HCRTR2: variants seen among roughly 807,000 people sequenced by gnomAD.
HCRTR2 encodes orexin receptor type 2.
In HCRTR2, 22 loss-of-function variants were observed where a neutral mutation model predicts 49.0. That is an observed-to-expected ratio of 0.45 (90% CI 0.32 to 0.64). The LOEUF is 0.64. Among genes scored for constraint, HCRTR2 ranks in the 30% least tolerant of loss-of-function variants. HCRTR2 has a pLI of 0.04. For missense variants in HCRTR2, 491 were observed against 559.4 expected (o/e 0.88, Z 1.23); for synonymous variants, 236 against 205.3 (o/e 1.15, Z -1.28).
At chr6:55,239,009 T>C (rs1468111190) in intron 1 of HCRTR2, among the ~76,000 whole-genome samples, 1 of 151,988 alleles carries the variant, frequency 6.6e-6, no homozygotes, top group Admixed American at 6.5e-5. Flanking sequence ...GAGAACAGGG[T>C]CAAAATCCAG....
At chr6:55,174,192 C>CTTT, upstream of HCRTR2, 8 of 175,570 alleles carry the variant, frequency 4.6e-5, no homozygotes, top group East Asian at 3.5e-4. Flanking sequence ...GTTTTCATTA[C>CTTT]TTTTTTTTTT....
In HCRTR2 at chr6:55,200,141, C is replaced by T. The variant is rs146316707; in HGVS notation, c.223+25331C>T. 8.1e-4 allele frequency among the ~76,000 whole-genome samples: 123 copies of T among 151,678 alleles called. 1 individual carries two copies. In the East Asian group the frequency reaches 0.02, roughly 25 times the overall value. On this transcript the variant is annotated intron_variant, in intron 1 of 6. Coordinates refer to ENST00000370862, the MANE Select transcript of HCRTR2 (RefSeq NM_001384272.1). The stretch of plus-strand genomic sequence containing the variant: ...CTAAAACTTTAAAAGAATTTATAGC[C>T]GAATCTAGAAATCTTTCACTATAAT...
At chr6:55,122,415 C>G (rs1242979530) in intron 1 of HCRTR2, among the ~76,000 whole-genome samples, 1 of 152,120 alleles carries the variant, frequency 6.6e-6, no homozygotes, top group Non-Finnish European at 1.5e-5. Flanking sequence ...AAAAAACCAG[C>G]TCCTGGATTC....
At chr6:55,155,169 A>G (rs773152963) in intron 1 of HCRTR2, among the ~76,000 whole-genome samples, 1 of 151,594 alleles carries the variant, frequency 6.6e-6, no homozygotes, top group Non-Finnish European at 1.5e-5. Context: ...TGTAGAGTCA[A>G]TGCAATCCCT....
At chr6:55,137,622 T>A (rs1347246143) in intron 1 of HCRTR2, among the ~76,000 whole-genome samples, 1 of 152,082 alleles carries the variant, frequency 6.6e-6, no homozygotes, top group Admixed American at 6.6e-5. Context: ...CCAATTTATA[T>A]CTTGGAAATC....
chr6:55,250,141 T>C (rs1766521036), intron 2 of HCRTR2, among the ~76,000 whole-genome samples: 1 of 152,120 alleles, frequency 6.6e-6, no homozygotes, highest in African/African-American at 2.4e-5. Flanking sequence ...ACTATAGAAG[T>C]TATAAGCTCC....
At chr6:55,171,170 A>G (rs1764944610), upstream of HCRTR2, among the ~76,000 whole-genome samples, 2 of 152,260 alleles carry the variant, frequency 1.3e-5, no homozygotes, top group South Asian at 4.1e-4. Context: ...CTCTTCCACA[A>G]TGATTGAACT....
At chr6:55,258,341 T>A (rs921922565) in intron 3 of HCRTR2, among the ~76,000 whole-genome samples, 3 of 152,154 alleles carry the variant, frequency 2.0e-5, no homozygotes, top group East Asian at 1.9e-4. Context: ...TGGAAAAAAA[T>A]TTGGAAAAGC....
intron 1 of HCRTR2, among the ~76,000 whole-genome samples, chr6:55,134,296 A>G (rs961296375): frequency 6.6e-6 from 1 of 151,932 alleles, no homozygotes; most frequent in Non-Finnish European, 1.5e-5. Flanking sequence ...AGAACACAGT[A>G]TGATAAAGAA....
intron 1 of HCRTR2, among the ~76,000 whole-genome samples, chr6:55,208,817 A>G (rs1232487269): frequency 3.9e-5 from 6 of 152,176 alleles, no homozygotes; most frequent in African/African-American, 1.4e-4. Flanking sequence ...ATGTTGTAAT[A>G]AGTGTCAGAT....
At chr6:55,183,951 A>G (rs1345863154) in intron 1 of HCRTR2, among the ~76,000 whole-genome samples, 1 of 151,930 alleles carries the variant, frequency 6.6e-6, no homozygotes, top group Admixed American at 6.5e-5. Flanking sequence ...TTTTTGAGAT[A>G]AAGTCTCACT....
intron 1 of HCRTR2, among the ~76,000 whole-genome samples, chr6:55,160,318 C>G (rs1403806138): frequency 6.6e-6 from 1 of 152,176 alleles, no homozygotes; most frequent in East Asian, 1.9e-4. Flanking sequence ...GCCTGCCTTA[C>G]AAGAGCTCCC....
At chr6:55,173,383 C>G (rs1259498739), upstream of HCRTR2, among the ~76,000 whole-genome samples, 1 of 152,152 alleles carries the variant, frequency 6.6e-6, no homozygotes, top group Non-Finnish European at 1.5e-5. Flanking sequence ...AGCTGAAGTT[C>G]AGACAAGATT....
rs1766497747 is a variant in HCRTR2 at position 55,248,906 on chromosome 6, G to T, written c.402+89G>T. 3.7e-6 allele frequency: 4 copies of T among 1,090,822 alleles called. 1 individual carries two copies. In the East Asian group the frequency reaches 7.1e-5, roughly 19 times the overall value. 67.6% of individuals were successfully genotyped at this position (1,090,822 alleles called of 1,614,324 possible). ...TATGGTAAATTAACTAGTGAGTTGA[G>T]AAATATATTTGCCTAAGGCATTGAC... On this transcript the variant is annotated intron_variant, in intron 2 of 6. Transcript: ENST00000370862.
rs1425642108 is a variant in HCRTR2, at chr6:55,255,223, A to T, written c.490A>T (p.Ser164Cys). 6.2e-7 allele frequency: 1 copy of T among 1,613,990 alleles called. No homozygotes were observed. The highest frequency in any genetic ancestry group is 8.5e-7 in the Non-Finnish European group (1 of 1,179,958). Residue 164 changes from serine to cysteine, a missense_variant, in exon 3 of 7, where the codon AGC (serine) becomes TGC (cysteine). Physicochemically the swap from Ser to Cys is moderately radical, Grantham distance 112. Transcript: ENST00000370862. Reference sequence around the variant, plus strand: ...AATCTGTCACCCTTTGATGTTTAAGAGCACAGCAAAGCGGGCCCGTAACAG... The same window carrying T: ...AATCTGTCACCCTTTGATGTTTAAGTGCACAGCAAAGCGGGCCCGTAACAG... ...YAICHPLMFK[S>C]TAKRARNSIV...
chr6:55,210,477 T>G (rs1765676742), intron 1 of HCRTR2, among the ~76,000 whole-genome samples: 1 of 152,140 alleles, frequency 6.6e-6, no homozygotes, highest in Non-Finnish European at 1.5e-5. Context: ...TTCTTAAAAT[T>G]TATACTACAA....
intron 1 of HCRTR2, among the ~76,000 whole-genome samples, chr6:55,192,657 AT>A (rs1380095794): frequency 6.6e-6 from 1 of 152,214 alleles, no homozygotes; most frequent in Non-Finnish European, 1.5e-5. Context: ...TACATAGAAC[AT>A]TGATAAGTAA....
In HCRTR2 at chr6:55,167,409, A is replaced by AT. The variant is rs965679209; in HGVS notation, c.-377-6792dup. 1.2e-3 allele frequency among the ~76,000 whole-genome samples: 183 copies of AT among 149,668 alleles called. 1 individual carries two copies. The highest frequency in any genetic ancestry group is 2.4e-3 in the Admixed American group (36 of 14,926). ...GATGAATTTCACAACACAATGGATCATTTTTTTTTTCATGTGGAAAATCAG... is the reference window on the plus strand; with the variant it reads ...GATGAATTTCACAACACAATGGATCATTTTTTTTTTTCATGTGGAAAATCAG... On this transcript the variant is annotated intron_variant, in intron 1 of 7. Transcript: ENST00000615358.
chr6:55,245,469 T>TATATATATATATATATATA lies in HCRTR2; in HGVS notation c.224-3170_224-3169insATATATATATATATATATA, dbSNP rs1562020342. 5.1e-4 allele frequency among the ~76,000 whole-genome samples: 29 copies of TATATATATATATATATATA among 56,766 alleles called. 3 individuals are homozygous for TATATATATATATATATATA. Among genetic ancestry groups the TATATATATATATATATATA allele is most frequent in the African/African-American group, 1.2e-3 (22 of 17,622 alleles). The allele number at this position is 56,766 out of a possible 152,430, so 37.2% of individuals were successfully genotyped here. ...TACACATAGAATACATAGGAAGATT[T>TATATATATATATATATATA]TATATATATATATATATATATATAT... On this transcript the variant is annotated intron_variant, in intron 1 of 6. Coordinates refer to ENST00000370862, the MANE Select transcript of HCRTR2 (RefSeq NM_001384272.1).
Sources: allele counts gnomAD v4.1 joint callset (sites outside exome capture counted in the v4.1 genomes callset), GRCh38; gene constraint gnomAD v4.1.1; transcripts MANE v1.5; gene names NCBI Gene and HGNC (gene_info 2026-07-23, HGNC 2026-07-21).